SVIL: variants seen among roughly 807,000 people sequenced by gnomAD.
SVIL encodes the protein supervillin, also known as archvillin.
In SVIL, 101 loss-of-function variants were observed where a neutral mutation model predicts 240.4. The ratio of observed to expected loss-of-function variants is 0.42; its 90% CI spans 0.36 to 0.50. The LOEUF (loss-of-function observed/expected upper bound fraction) is 0.50, where lower values mean the gene tolerates loss of function less well. Ranked by LOEUF, SVIL falls within the 20% of genes least tolerant of loss-of-function variation. The pLI, the probability that SVIL is intolerant of heterozygous loss-of-function variation, is 0.01. For missense variants in SVIL, 2,512 were observed against 2,818.7 expected, an observed-to-expected ratio of 0.89 and a Z score of 2.46; for synonymous variants, 999 against 1,100.0, an observed-to-expected ratio of 0.91 and a Z score of 1.82.
intron 1 of SVIL, among the ~76,000 whole-genome samples, chr10:29,613,873 T>C (rs1379284821): frequency 6.6e-6 from 1 of 152,234 alleles, no homozygotes; most frequent in African/African-American, 2.4e-5. Context: ...AAAATCCAGA[T>C]AATCACCTTA....
Position 29,499,151 on chromosome 10 carries a change from G to T in SVIL, c.3629C>A (p.Thr1210Asn). 1 of 1,614,000 alleles carries T rather than the reference G, an allele frequency of 6.2e-7. No homozygotes were observed. Among genetic ancestry groups the T allele is most frequent in the Non-Finnish European group, 8.5e-7 (1 of 1,180,004 alleles). Residue 1210 changes from threonine (T) to asparagine (N), a missense_variant, in exon 18 of 38, where the codon ACC becomes AAC. Thr to Asn is a moderately conservative substitution (Grantham distance 65, BLOSUM62 0). Transcript: ENST00000355867. ...TRGRGAANDS[T>N]QFTVAGRMVK... ...CATCCTGCCAGCCACAGTGAACTGG[G>T]TCGAGTCGTTGGCCGCTCCTCTGCC...
At chr10:29,650,243 G>C (rs967125387) in intron 3 of SVIL, among the ~76,000 whole-genome samples, 29 of 152,150 alleles carry the variant, frequency 1.9e-4, no homozygotes, top group African/African-American at 7.0e-4. Context: ...AGAGTGGGTT[G>C]TTACTTGAAG....
intron 6 of SVIL, among the ~76,000 whole-genome samples, chr10:29,548,677 C>T (rs146704585): frequency 1.1e-4 from 16 of 152,262 alleles, no homozygotes; most frequent in African/African-American, 3.6e-4. Context: ...CATTCTAGTT[C>T]TATTTCGTGT....
At chr10:29,722,483 C>T (rs1564362344) in intron 1 of SVIL, among the ~76,000 whole-genome samples, 1 of 152,092 alleles carries the variant, frequency 6.6e-6, no homozygotes, top group African/African-American at 2.4e-5. Flanking sequence ...CTCAATACAA[C>T]TGTTTAAAGA....
chr10:29,685,028 C>T (rs1001004405), intron 2 of SVIL, among the ~76,000 whole-genome samples: 7 of 152,064 alleles, frequency 4.6e-5, no homozygotes, highest in Admixed American at 3.3e-4. Flanking sequence ...AGGTAGGAAG[C>T]GTAGTACCCA....
At chr10:29,722,763 T>C (rs1964065416) in intron 1 of SVIL, among the ~76,000 whole-genome samples, 1 of 152,216 alleles carries the variant, frequency 6.6e-6, no homozygotes, top group Non-Finnish European at 1.5e-5. Context: ...CTTAAAATTC[T>C]ACTGCATGAG....
rs571701835 is a variant in SVIL at position 29,470,143 on chromosome 10, G to A, written c.5843+133C>T. 24 of 1,026,390 alleles carry A rather than the reference G, an allele frequency of 2.3e-5. No individual in the cohort carries two copies. In the African/African-American group the frequency reaches 3.5e-4, roughly 15 times the overall value. 63.6% of individuals were successfully genotyped at this position (1,026,390 alleles called of 1,614,324 possible). On this transcript the variant is annotated intron_variant, in intron 32 of 37. Coordinates refer to ENST00000355867, the MANE Select transcript of SVIL (RefSeq NM_021738.3). ...CGGAATGTCAGAGGCCCCTGACCAC[G>A]TTCCCAGCCATCCTTTGCTGCAGTC...
chr10:29,572,302 G>T (rs1317474395), intron 1 of SVIL, among the ~76,000 whole-genome samples: 1 of 152,090 alleles, frequency 6.6e-6, no homozygotes, highest in Non-Finnish European at 1.5e-5. Flanking sequence ...AAAAACTATG[G>T]CAAATAGGAT....
At position 29,523,539 on chromosome 10, in the gene SVIL, T is replaced by C. The variant is rs766524606; in HGVS notation, c.3075A>G (p.Ala1025=). ...TGTCCCTCAAGTCCAAGTTTCCTTGTGCATTCATTTTAGCCATGGAAAATT... is the reference window on the plus strand; with the variant it reads ...TGTCCCTCAAGTCCAAGTTTCCTTGCGCATTCATTTTAGCCATGGAAAATT... ...PKEFSMAKMN[A]QGNLDLRDRL... Residue 1025 remains alanine, a synonymous_variant, in exon 15 of 38, where the codon GCA becomes GCG. Coordinates refer to ENST00000355867, the MANE Select transcript of SVIL (RefSeq NM_021738.3). 1 of 1,614,214 alleles carries C rather than the reference T, an allele frequency of 6.2e-7. No individual in the cohort carries two copies. The highest frequency in any genetic ancestry group is 1.3e-5 in the African/African-American group (1 of 75,050).
At chr10:29,536,911 C>CAAAAAAAAAAAAAAAAA (rs59133069) in intron 6 of SVIL, among the ~76,000 whole-genome samples, 1 of 89,874 alleles carries the variant, frequency 1.1e-5, no homozygotes, top group African/African-American at 4.6e-5. Context: ...GACTCTGTCA[C>CAAAAAAAAAAAAAAAAA]AAAAAAAAAA....
chr10:29,589,764 A>C (rs1361857006), intron 1 of SVIL, among the ~76,000 whole-genome samples: 1 of 152,226 alleles, frequency 6.6e-6, no homozygotes, highest in East Asian at 1.9e-4. Flanking sequence ...TATATGGCCA[A>C]ACCTCAAGAC....
At chr10:29,569,383 C>A in intron 1 of SVIL, 71 bp from the exon 2 acceptor site, 1 of 696,264 alleles carries the variant, frequency 1.4e-6, no homozygotes, top group Non-Finnish European at 1.8e-6. Flanking sequence ...AGAAAAAACT[C>A]TCCAAACTGC....
At chr10:29,602,971 A>G (rs1210283133) in intron 1 of SVIL, among the ~76,000 whole-genome samples, 1 of 152,012 alleles carries the variant, frequency 6.6e-6, no homozygotes, top group African/African-American at 2.4e-5. Context: ...GGGCAACAAG[A>G]GAGAAACTCC....
intron 1 of SVIL, among the ~76,000 whole-genome samples, chr10:29,595,868 C>T (rs574401956): frequency 6.6e-6 from 1 of 152,342 alleles, no homozygotes; most frequent in African/African-American, 2.4e-5. Flanking sequence ...CCTAGGGAAA[C>T]AGTAGCTGCT....
intron 1 of SVIL, among the ~76,000 whole-genome samples, chr10:29,691,740 A>G (rs1961524200): frequency 6.6e-6 from 1 of 152,190 alleles, no homozygotes; most frequent in Non-Finnish European, 1.5e-5. Context: ...TCCAAGGACA[A>G]CAAACCCCCC....
Position 29,471,144 on chromosome 10 carries a change from C to T in SVIL, c.5629G>A (p.Val1877Met). 1.2e-6 allele frequency: 2 copies of T among 1,613,262 alleles called. No individual in the cohort carries two copies. The highest frequency in any genetic ancestry group is 8.5e-7 in the Non-Finnish European group (1 of 1,179,678). The change falls in exon 31 of 38, where the codon GTG becomes ATG. Residue 1877 changes from valine to methionine, a missense_variant. Physicochemically the swap from Val to Met is conservative, Grantham distance 21 (BLOSUM62 1). Transcript: ENST00000355867. ...AGCAGTAAAAGTGACTTACTTTGCA[C>T]ATTTTCTTCTTCCTCTTCCCGCCTC... is the stretch of plus-strand genomic sequence containing the variant. ...SGRREEEEEN[V>M]QSEWRLYCVR... is the part of the protein sequence containing the mutation.
At chr10:29,670,859 G>T (rs1353911629) in intron 2 of SVIL, 1 of 152,210 alleles carries the variant, frequency 6.6e-6, no homozygotes, top group Non-Finnish European at 1.5e-5. Flanking sequence ...TCGTGCCCAG[G>T]ATTCAAAATG....
At chr10:29,612,120 T>A (rs1314102728) in intron 1 of SVIL, among the ~76,000 whole-genome samples, 1 of 152,124 alleles carries the variant, frequency 6.6e-6, no homozygotes, top group Non-Finnish European at 1.5e-5. Flanking sequence ...TCAGCCCTTT[T>A]TCCCATTGCA....
At chr10:29,719,673 C>T (rs145785917) in intron 1 of SVIL, among the ~76,000 whole-genome samples, 166 of 152,036 alleles carry the variant, frequency 1.1e-3, no homozygotes, top group African/African-American at 2.9e-3. Context: ...CTACAATGTG[C>T]GAGATGAACA....
Sources: allele counts gnomAD v4.1 joint callset (sites outside exome capture counted in the v4.1 genomes callset), GRCh38; gene constraint gnomAD v4.1.1; transcripts MANE v1.5; gene names NCBI Gene and HGNC (gene_info 2026-07-23, HGNC 2026-07-21).